DOK6: variants seen among roughly 807,000 people sequenced by gnomAD.
The protein encoded by DOK6 is downstream of tyrosine kinase 6.
DOK6 carries 22 observed loss-of-function variants against 44.0 expected under a neutral mutation model. That is an observed-to-expected ratio of 0.50 (90% confidence interval 0.36 to 0.71). The LOEUF (loss-of-function observed/expected upper bound fraction) is 0.71, where lower values mean the gene tolerates loss of function less well. Ranked by LOEUF, DOK6 falls within the 30% of genes least tolerant of loss-of-function variation. The pLI is 0.00. For synonymous variants in DOK6, 166 were observed against 145.5 expected (o/e 1.14, Z -1.01); for missense variants, 340 against 416.4 (o/e 0.82, Z 1.60).
At chr18:69,638,759 C>T (rs544440720) in intron 3 of DOK6, among the ~76,000 whole-genome samples, 1 of 152,266 alleles carries the variant, frequency 6.6e-6, no homozygotes, top group South Asian at 2.1e-4. Flanking sequence ...GATCCAGAAT[C>T]ATTCTCTAAA....
intron 1 of DOK6, among the ~76,000 whole-genome samples, chr18:69,411,138 C>T (rs10513960): frequency 0.056 from 8,572 of 152,084 alleles, 277 homozygotes; most frequent in Middle Eastern, 0.12. Flanking sequence ...GACCATCAAG[C>T]TGACAAGTCG....
At chr18:69,477,750 A>G (rs1205870850) in intron 1 of DOK6, among the ~76,000 whole-genome samples, 6 of 152,240 alleles carry the variant, frequency 3.9e-5, no homozygotes, top group African/African-American at 1.2e-4. Context: ...GATTTCCTGC[A>G]TGATCAATAT....
At chr18:69,440,751 CAA>C (rs1423415664) in intron 1 of DOK6, among the ~76,000 whole-genome samples, 42 of 75,766 alleles carry the variant, frequency 5.5e-4, no homozygotes, top group African/African-American at 1.7e-3. Context: ...TATACACACA[CAA>C]ACACACACAC....
intron 5 of DOK6, among the ~76,000 whole-genome samples, chr18:69,712,492 T>C (rs918442419): frequency 5.9e-5 from 9 of 152,024 alleles, no homozygotes. Context: ...CCTAGACAGA[T>C]AGTGTATAAA....
chr18:69,699,458 T>C (rs1986462594), intron 5 of DOK6, among the ~76,000 whole-genome samples: 1 of 152,098 alleles, frequency 6.6e-6, no homozygotes, highest in Admixed American at 6.6e-5. Context: ...CCATGTCTCT[T>C]AAAATTTTAA....
chr18:69,467,687 G>A (rs369396854), intron 1 of DOK6, among the ~76,000 whole-genome samples: 170 of 152,078 alleles, frequency 1.1e-3, no homozygotes, highest in African/African-American at 3.7e-3. Context: ...TGAAAAAATC[G>A]GTGCTTTTTA....
chr18:69,496,073 T>C (rs368553040), intron 1 of DOK6, among the ~76,000 whole-genome samples: 10 of 152,268 alleles, frequency 6.6e-5, no homozygotes, highest in African/African-American at 2.4e-4. Context: ...GGAATGTGGG[T>C]CTCCTGCCTG....
intron 2 of DOK6, among the ~76,000 whole-genome samples, chr18:69,594,570 C>T (rs1333122252): frequency 6.8e-6 from 1 of 147,106 alleles, no homozygotes; most frequent in Non-Finnish European, 1.5e-5. Context: ...CACTAGAAGT[C>T]CTAGCCAGAG....
At chr18:69,595,015 CA>C (rs1983709045) in intron 2 of DOK6, among the ~76,000 whole-genome samples, 1 of 151,872 alleles carries the variant, frequency 6.6e-6, no homozygotes, top group African/African-American at 2.4e-5. Context: ...TACAATACCT[CA>C]AAAAATAAAA....
intron 1 of DOK6, among the ~76,000 whole-genome samples, chr18:69,409,126 T>G (rs1173607201): frequency 1.3e-5 from 2 of 152,126 alleles, no homozygotes; most frequent in Non-Finnish European, 2.9e-5. Context: ...TCTGATGATT[T>G]TATAAGGGGC....
intron 1 of DOK6, among the ~76,000 whole-genome samples, chr18:69,526,184 C>T (rs1305464293): frequency 1.3e-5 from 2 of 151,982 alleles, no homozygotes; most frequent in Non-Finnish European, 2.9e-5. Flanking sequence ...AATCTTAGAA[C>T]ATTTTCATCA....
rs1033985531 is a variant in DOK6 at position 69,781,669 on chromosome 18, C to T, written c.856+23796C>T. ...AAAGTAGATTTAAAATAGTGTTATG[C>T]AGGATTATATAATATTCGTTATTTT... On this transcript the variant is annotated intron_variant, in intron 7 of 7. Coordinates refer to ENST00000382713, the MANE Select transcript of DOK6 (RefSeq NM_152721.6). Among the ~76,000 whole-genome samples the T allele has an allele frequency of 2.8e-4, 42 of 152,040 alleles. 1 individual carries two copies. The highest frequency in any genetic ancestry group is 9.9e-4 in the African/African-American group (41 of 41,388).
chr18:69,438,648 C>T (rs1338481588), intron 1 of DOK6, among the ~76,000 whole-genome samples: 2 of 152,156 alleles, frequency 1.3e-5, no homozygotes, highest in African/African-American at 4.8e-5. Context: ...TACCCAATTC[C>T]ATCAGAGGAA....
chr18:69,629,768 GGTTTTTGTTTGTTT>G (rs890476461), intron 3 of DOK6, among the ~76,000 whole-genome samples: 8 of 151,828 alleles, frequency 5.3e-5, no homozygotes, highest in Admixed American at 3.3e-4. Context: ...CAGCCCTATG[GGTTTTTGTTTGTTT>G]GTTTTTGTTT....
intron 1 of DOK6, among the ~76,000 whole-genome samples, chr18:69,562,311 A>G (rs1459103189): frequency 6.6e-6 from 1 of 151,992 alleles, no homozygotes; most frequent in Non-Finnish European, 1.5e-5. Context: ...TAAGATTCAG[A>G]CGTGTCAGGT....
At chr18:69,540,018 T>C (rs537925329) in intron 1 of DOK6, among the ~76,000 whole-genome samples, 1 of 133,072 alleles carries the variant, frequency 7.5e-6, no homozygotes, top group East Asian at 2.7e-4. Context: ...GGAGAAAGAA[T>C]GCATGTGTTG....
intron 7 of DOK6, among the ~76,000 whole-genome samples, chr18:69,800,458 T>C (rs1238279194): frequency 6.6e-6 from 1 of 152,176 alleles, no homozygotes; most frequent in Non-Finnish European, 1.5e-5. Context: ...TAAACATGAT[T>C]CATCCAATGT....
chr18:69,793,755 T>C (rs992786874), intron 7 of DOK6, among the ~76,000 whole-genome samples: 1 of 152,082 alleles, frequency 6.6e-6, no homozygotes, highest in Non-Finnish European at 1.5e-5. Flanking sequence ...TTAGAAGAGA[T>C]AGCACTTTCC....
chr18:69,768,625 A>T (rs9953104), intron 7 of DOK6, among the ~76,000 whole-genome samples: 28 of 149,320 alleles, frequency 1.9e-4, no homozygotes, highest in African/African-American at 6.2e-4. Context: ...CGGGCCAAGC[A>T]GAATACGGCA....
Sources: allele counts gnomAD v4.1 joint callset (sites outside exome capture counted in the v4.1 genomes callset), GRCh38; gene constraint gnomAD v4.1.1; transcripts MANE v1.5; gene names NCBI Gene and HGNC (gene_info 2026-07-23, HGNC 2026-07-21).